ADAM12: variants seen among roughly 807,000 people sequenced by gnomAD.
ADAM12 encodes disintegrin and metalloproteinase domain-containing protein 12.
ADAM12 carries 70 observed loss-of-function variants against 106.4 expected under a neutral mutation model. The observed-to-expected ratio is 0.66, with a 90% CI of 0.54 to 0.80. The LOEUF (loss-of-function observed/expected upper bound fraction) is 0.80. Ranked by LOEUF, ADAM12 falls within the 30% of genes least tolerant of loss-of-function variation. ADAM12 has a pLI of 0.00. For missense variants in ADAM12, 1,010 were observed against 1,171.9 expected (o/e 0.86, Z 2.02); for synonymous variants, 420 against 433.5 (o/e 0.97, Z 0.39).
chr10:126,257,538 T>C (rs1438639207), intron 3 of ADAM12, among the ~76,000 whole-genome samples: 2 of 152,214 alleles, frequency 1.3e-5, no homozygotes, highest in Non-Finnish European at 2.9e-5. Context: ...CTACGCTGTA[T>C]TTAAAAGAAA....
intron 3 of ADAM12, among the ~76,000 whole-genome samples, chr10:126,199,777 T>A (rs1037852491): frequency 6.6e-6 from 1 of 152,228 alleles, no homozygotes; most frequent in Non-Finnish European, 1.5e-5. Flanking sequence ...GATGCATTCT[T>A]TTAAAATAAG....
intron 11 of ADAM12, among the ~76,000 whole-genome samples, chr10:126,087,771 A>G (rs1357868621): frequency 6.6e-6 from 1 of 152,182 alleles, no homozygotes; most frequent in Non-Finnish European, 1.5e-5. Flanking sequence ...TTCCCGCTAC[A>G]TTGAATTTCT....
At chr10:126,212,226 G>A (rs1472317592) in intron 3 of ADAM12, among the ~76,000 whole-genome samples, 5 of 152,160 alleles carry the variant, frequency 3.3e-5, no homozygotes, top group Non-Finnish European at 7.3e-5. Flanking sequence ...TCCAAAAAAA[G>A]TTTCATCTAT....
At chr10:126,179,118 G>A (rs1379144249) in intron 3 of ADAM12, among the ~76,000 whole-genome samples, 3 of 152,030 alleles carry the variant, frequency 2.0e-5, no homozygotes, top group East Asian at 1.9e-4. Flanking sequence ...CCCTATCAAC[G>A]TGACTGTAGT....
chr10:126,304,035 C>A (rs1401139475), intron 2 of ADAM12, among the ~76,000 whole-genome samples: 1 of 152,124 alleles, frequency 6.6e-6, no homozygotes, highest in African/African-American at 2.4e-5. Context: ...GAATTAATGT[C>A]TCTCCTATGC....
At chr10:126,048,874 C>G (rs532112331) in intron 16 of ADAM12, among the ~76,000 whole-genome samples, 1 of 152,300 alleles carries the variant, frequency 6.6e-6, no homozygotes, top group African/African-American at 2.4e-5. Flanking sequence ...AAAAATACAT[C>G]TGATTTCCCA....
rs199962036 is a variant in ADAM12 at position 126,318,502 on chromosome 10, ACT to A, written c.186+11908_186+11909del. On this transcript the variant is annotated intron_variant, in intron 2 of 22. Coordinates refer to ENST00000448723, the MANE Select transcript of ADAM12 (RefSeq NM_001288973.2). ...CACATTCACACATTCTCAGAGCCAC[ACT>A]CTCTCACACACACTCATTCTAACAC... Among the ~76,000 whole-genome samples, 1,120 of 145,594 alleles carry A rather than the reference ACT, an allele frequency of 7.7e-3. 14 individuals carry two copies. The highest frequency in any genetic ancestry group is 0.027 in the African/African-American group (1,065 of 40,148).
intron 3 of ADAM12, among the ~76,000 whole-genome samples, chr10:126,259,580 T>A (rs1009041884): frequency 1.4e-4 from 22 of 152,196 alleles, no homozygotes; most frequent in African/African-American, 5.3e-4. Flanking sequence ...GAAAATGCAA[T>A]TCTAATATTT....
intron 4 of ADAM12, among the ~76,000 whole-genome samples, chr10:126,150,049 T>G (rs1185569523): frequency 6.6e-6 from 1 of 152,368 alleles, no homozygotes; most frequent in East Asian, 1.9e-4. Flanking sequence ...ACAAAACTAT[T>G]CAAATAACTT....
rs1327059816 is a variant in ADAM12, at chr10:126,330,479, T to C, written c.119A>G (p.Asp40Gly). The C allele has an allele frequency of 6.2e-7, 1 of 1,613,738 alleles. No homozygotes were observed. The highest frequency in any genetic ancestry group is 8.5e-7 in the Non-Finnish European group (1 of 1,179,968). ...GVSLWNQGRA[D>G]EVVSASVGSG... is the part of the protein sequence containing the mutation. ...CCCAACAGAGGCACTGACAACTTCATCAGCTCTTCCTTGGTTCCATAAGCT... is the reference window on the plus strand; with the variant it reads ...CCCAACAGAGGCACTGACAACTTCACCAGCTCTTCCTTGGTTCCATAAGCT... The change falls in exon 2 of 23, where the codon GAT (aspartate) becomes GGT (glycine). Residue 40 changes from aspartate to glycine, a missense_variant. Asp to Gly is a moderately conservative substitution (Grantham distance 94). Transcript: ENST00000448723.
intron 18 of ADAM12, chr10:126,042,380 A>G: frequency 9.0e-7 from 1 of 1,105,984 alleles, no homozygotes; most frequent in Non-Finnish European, 1.3e-6. Context: ...TGCTACTAAG[A>G]GCTTCTTGGG....
intron 3 of ADAM12, chr10:126,272,791 C>T (rs988879552): frequency 5.8e-5 from 19 of 327,166 alleles, no homozygotes; most frequent in African/African-American, 3.9e-4. Flanking sequence ...TCCAGGGGAG[C>T]CCCTCAGGCT....
intron 3 of ADAM12, among the ~76,000 whole-genome samples, chr10:126,218,705 G>GGA (rs1958034484): frequency 1.3e-5 from 2 of 152,172 alleles, no homozygotes; most frequent in South Asian, 4.1e-4. Flanking sequence ...CTTTATCCAT[G>GGA]TTCAAAGGAT....
chr10:126,117,428 G>C (rs1238491070), intron 6 of ADAM12, among the ~76,000 whole-genome samples: 1 of 152,166 alleles, frequency 6.6e-6, no homozygotes, highest in Non-Finnish European at 1.5e-5. Context: ...CTGCTTGGAC[G>C]GTCCCAGGAG....
intron 14 of ADAM12, among the ~76,000 whole-genome samples, chr10:126,063,208 A>G (rs1230474117): frequency 6.6e-6 from 1 of 152,094 alleles, no homozygotes; most frequent in African/African-American, 2.4e-5. Context: ...AGTGCTGAGG[A>G]GCATCAGAAC....
At chr10:126,355,828 A>C (rs1330614914) in intron 1 of ADAM12, among the ~76,000 whole-genome samples, 4 of 152,202 alleles carry the variant, frequency 2.6e-5, no homozygotes, top group Non-Finnish European at 5.9e-5. Flanking sequence ...ATCTCTGTGT[A>C]TCTTCCAGTG....
chr10:126,228,791 C>T (rs1333542704), intron 3 of ADAM12, among the ~76,000 whole-genome samples: 1 of 152,190 alleles, frequency 6.6e-6, no homozygotes, highest in African/African-American at 2.4e-5. Flanking sequence ...ACCCATGTAG[C>T]TGAAGCTTCT....
intron 1 of ADAM12, among the ~76,000 whole-genome samples, chr10:126,359,824 G>T (rs1276146308): frequency 2.0e-5 from 3 of 152,216 alleles, no homozygotes; most frequent in Non-Finnish European, 4.4e-5. Flanking sequence ...GGGACTCTGT[G>T]TGGGGGCTGC....
chr10:126,353,113 G>A (rs1855420063), intron 1 of ADAM12, among the ~76,000 whole-genome samples: 2 of 152,208 alleles, frequency 1.3e-5, no homozygotes, highest in South Asian at 4.1e-4. Context: ...GCAGCCCACA[G>A]ATTCAAAAGG....
Sources: allele counts gnomAD v4.1 joint callset (sites outside exome capture counted in the v4.1 genomes callset), GRCh38; gene constraint gnomAD v4.1.1; transcripts MANE v1.5; gene names NCBI Gene and HGNC (gene_info 2026-07-23, HGNC 2026-07-21).